GTF2F2: variants seen among roughly 807,000 people sequenced by gnomAD.
The protein encoded by GTF2F2 is ATP-dependent helicase GTF2F2.
GTF2F2 carries 23 observed loss-of-function variants against 42.2 expected under a neutral mutation model. The ratio of observed to expected loss-of-function variants is 0.55; its 90% CI spans 0.39 to 0.77. The LOEUF (loss-of-function observed/expected upper bound fraction) is 0.77. GTF2F2 is among the 30% of genes least tolerant of loss of function. GTF2F2 has a pLI of 0.00. For synonymous variants in GTF2F2, 105 were observed against 100.8 expected (o/e 1.04, Z -0.25); for missense variants, 261 against 287.2 (o/e 0.91, Z 0.66).
At chr13:45,136,540 C>T (rs1869631210) in intron 1 of GTF2F2, among the ~76,000 whole-genome samples, 193 bp from the exon 2 acceptor site, 3 of 152,068 alleles carry the variant, frequency 2.0e-5, no homozygotes, top group African/African-American at 4.8e-5. Context: ...GTTGCCACCT[C>T]GATTAAGTTC....
At chr13:45,274,572 G>A (rs1184223457) in intron 7 of GTF2F2, among the ~76,000 whole-genome samples, 1 of 151,782 alleles carries the variant, frequency 6.6e-6, no homozygotes, top group Non-Finnish European at 1.5e-5. Flanking sequence ...CTCGTGATCC[G>A]CCCACCTTGA....
At chr13:45,226,538 A>G (rs1458145268) in intron 5 of GTF2F2, among the ~76,000 whole-genome samples, 1 of 152,170 alleles carries the variant, frequency 6.6e-6, no homozygotes, top group African/African-American at 2.4e-5. Context: ...AGCTTAATAT[A>G]TTTTAATGCC....
intron 5 of GTF2F2, among the ~76,000 whole-genome samples, chr13:45,211,983 C>A (rs550395879): frequency 1.3e-5 from 2 of 151,834 alleles, no homozygotes; most frequent in South Asian, 4.2e-4. Context: ...ACACACACAC[C>A]ACACCCCCAC....
intron 4 of GTF2F2, among the ~76,000 whole-genome samples, chr13:45,202,112 C>T (rs1370436840): frequency 1.3e-5 from 2 of 152,136 alleles, no homozygotes; most frequent in African/African-American, 4.8e-5. Context: ...CTTGGCCTGG[C>T]GTGGTGGCTC....
chr13:45,252,814 C>G, intron 5 of GTF2F2, 57 bp from the exon 6 acceptor site: 1 of 729,846 alleles, frequency 1.4e-6, no homozygotes, highest in Non-Finnish European at 2.3e-6. Flanking sequence ...AATAATAACT[C>G]TTCATATTTC....
intron 4 of GTF2F2, among the ~76,000 whole-genome samples, chr13:45,152,964 T>C (rs1870567056): frequency 6.6e-6 from 1 of 152,134 alleles, no homozygotes; most frequent in African/African-American, 2.4e-5. Flanking sequence ...TAAGAAATTA[T>C]AGTATGTTAA....
At chr13:45,200,857 T>A (rs1032909713) in intron 4 of GTF2F2, among the ~76,000 whole-genome samples, 1 of 152,206 alleles carries the variant, frequency 6.6e-6, no homozygotes, top group Non-Finnish European at 1.5e-5. Flanking sequence ...TTCAGTCTTT[T>A]CCCAGAGAGT....
intron 4 of GTF2F2, among the ~76,000 whole-genome samples, chr13:45,199,051 CA>C (rs780902316): frequency 3.3e-5 from 5 of 152,170 alleles, no homozygotes; most frequent in Non-Finnish European, 5.9e-5. Flanking sequence ...AGTACTATGG[CA>C]GCCACTTTAT....
At chr13:45,199,612 A>AC (rs1285682883) in intron 4 of GTF2F2, among the ~76,000 whole-genome samples, 4 of 152,236 alleles carry the variant, frequency 2.6e-5, no homozygotes, top group African/African-American at 9.6e-5. Flanking sequence ...CATCAAATGA[A>AC]CATTAAAATT....
intron 6 of GTF2F2, among the ~76,000 whole-genome samples, chr13:45,266,063 A>G (rs1876548128): frequency 6.6e-6 from 1 of 152,248 alleles, no homozygotes. Context: ...TTACAATTGA[A>G]CAGTCCCAGG....
intron 2 of GTF2F2, among the ~76,000 whole-genome samples, chr13:45,142,699 A>G (rs895875410): frequency 1.4e-4 from 22 of 152,340 alleles, no homozygotes; most frequent in African/African-American, 4.8e-4. Context: ...GCTTGAAAAC[A>G]GCTTGTTGCC....
At chr13:45,277,094 AAAG>A (rs1398210170) in intron 7 of GTF2F2, among the ~76,000 whole-genome samples, 17 of 152,284 alleles carry the variant, frequency 1.1e-4, no homozygotes, top group African/African-American at 3.6e-4. Flanking sequence ...AACCAGGAGA[AAAG>A]AAGAAAAATG....
rs551662173 is a variant in GTF2F2 at position 45,216,224 on chromosome 13, A to G, written c.386+8719A>G. 3.3e-5 allele frequency among the ~76,000 whole-genome samples: 5 copies of G among 152,182 alleles called. No individual in the cohort carries two copies. In the South Asian group the frequency reaches 8.3e-4, roughly 25 times the overall value. On this transcript the variant is annotated intron_variant, in intron 5 of 7. Coordinates refer to ENST00000340473, the MANE Select transcript of GTF2F2 (RefSeq NM_004128.3). ...CAGAGCGAGACCCTGTCTCAAGAGG[A>G]AAAAAAAGAAGGCACTGGAATAATT... is the stretch of plus-strand genomic sequence containing the variant.
At chr13:45,210,682 T>C (rs1873596004) in intron 5 of GTF2F2, among the ~76,000 whole-genome samples, 1 of 152,174 alleles carries the variant, frequency 6.6e-6, no homozygotes, top group Non-Finnish European at 1.5e-5. Flanking sequence ...TCATTCCACA[T>C]AGTAGCTAGT....
At chr13:45,160,836 C>A (rs1194545657) in intron 4 of GTF2F2, among the ~76,000 whole-genome samples, 1 of 150,322 alleles carries the variant, frequency 6.7e-6, no homozygotes, top group East Asian at 1.9e-4. Context: ...ATACCCAAAT[C>A]TGAATAATTA....
At chr13:45,234,173 T>C (rs545210120) in intron 5 of GTF2F2, among the ~76,000 whole-genome samples, 1 of 152,356 alleles carries the variant, frequency 6.6e-6, no homozygotes, top group African/African-American at 2.4e-5. Context: ...TCCATGCATG[T>C]TGATGATGCA....
chr13:45,165,963 G>A (rs1359317918), intron 4 of GTF2F2, among the ~76,000 whole-genome samples: 2 of 151,516 alleles, frequency 1.3e-5, no homozygotes, highest in South Asian at 2.1e-4. Flanking sequence ...ACAGGCGCCC[G>A]CCCCTACGCC....
rs117798088 is a variant in GTF2F2, at chr13:45,163,962, T to C, written c.304+12131T>C. ...TAAGGCCAGGAGTTTGAGATCAGCC[T>C]GGCTGACCTGACGAAACCCCGTCTC... On this transcript the variant is annotated intron_variant, in intron 4 of 7. Coordinates refer to ENST00000340473, the MANE Select transcript of GTF2F2 (RefSeq NM_004128.3). 3.3e-3 allele frequency among the ~76,000 whole-genome samples: 507 copies of C among 152,314 alleles called. 25 individuals carry two copies. The East Asian group carries it at 0.087, about 26-fold the overall frequency.
intron 5 of GTF2F2, among the ~76,000 whole-genome samples, chr13:45,242,313 ACTCACGGGCAGT>A: frequency 7.7e-6 from 1 of 129,338 alleles, no homozygotes; most frequent in Non-Finnish European, 1.6e-5. Context: ...GTGTGCTCTC[ACTCACGGGCAGT>A]CTCAGTAACT....
Sources: allele counts gnomAD v4.1 joint callset (sites outside exome capture counted in the v4.1 genomes callset), GRCh38; gene constraint gnomAD v4.1.1; transcripts MANE v1.5; gene names NCBI Gene and HGNC (gene_info 2026-07-23, HGNC 2026-07-21).